The following DACH2 variants were observed in gnomAD, a reference collection of about 807,000 sequenced individuals.
DACH2 encodes dachshund homolog 2.
A neutral mutation model predicts 35.8 loss-of-function variants in DACH2; 17 were observed. That is an observed-to-expected ratio of 0.48 (90% CI 0.33 to 0.71). The LOEUF (loss-of-function observed/expected upper bound fraction) is 0.71, where lower values mean the gene tolerates loss of function less well. DACH2 is among the 30% of genes least tolerant of loss of function. DACH2 has a pLI of 0.02. For synonymous variants in DACH2, 195 were observed against 177.3 expected (o/e 1.10, Z -0.79); for missense variants, 469 against 472.7 (o/e 0.99, Z 0.07).
At chrX:86,445,535 A>AG (rs1363409223) in intron 2 of DACH2, among the ~76,000 whole-genome samples, 1 of 86,453 alleles carries the variant, frequency 1.2e-5, no homozygotes, top group African/African-American at 4.4e-5. Context: ...AAAAAAAAGA[A>AG]AAAAAAAAAA....
At chrX:86,405,053 C>A (rs186002652) in intron 2 of DACH2, among the ~76,000 whole-genome samples, 2 of 111,564 alleles carry the variant, frequency 1.8e-5, no homozygotes, top group South Asian at 3.8e-4. Flanking sequence ...ATTCCCAAGG[C>A]TGCACATGGC....
chrX:86,594,359 A>G (rs1032497356), intron 3 of DACH2, among the ~76,000 whole-genome samples: 2 of 111,065 alleles, frequency 1.8e-5, no homozygotes, highest in Non-Finnish European at 3.8e-5. Flanking sequence ...AATTTTTACT[A>G]TTACTTTTTT....
intron 1 of DACH2, among the ~76,000 whole-genome samples, chrX:86,193,571 G>A (rs989722461): frequency 4.5e-5 from 5 of 111,829 alleles, no homozygotes; most frequent in African/African-American, 1.6e-4. Flanking sequence ...ATAACTGAAA[G>A]CTAGTGTTTA....
chrX:86,296,108 G>A (rs1438679050), intron 1 of DACH2, among the ~76,000 whole-genome samples: 2 of 109,124 alleles, frequency 1.8e-5, no homozygotes, highest in Non-Finnish European at 3.8e-5. Context: ...GGCCGGGCGA[G>A]GTGGCTCACG....
intron 6 of DACH2, among the ~76,000 whole-genome samples, chrX:86,725,313 G>A (rs1050538975): frequency 3.0e-4 from 33 of 111,472 alleles, no homozygotes; most frequent in Admixed American, 2.9e-4. Context: ...TTTTATACAG[G>A]AGGATTTTTG....
At chrX:86,480,144 G>T (rs762458004) in intron 2 of DACH2, among the ~76,000 whole-genome samples, 1 of 112,195 alleles carries the variant, frequency 8.9e-6, no homozygotes, top group East Asian at 2.8e-4. Context: ...GTATTCAAAA[G>T]AACCTGGGCA....
intron 1 of DACH2, among the ~76,000 whole-genome samples, chrX:86,205,662 C>T (rs1381907318): frequency 9.5e-6 from 1 of 105,631 alleles, no homozygotes; most frequent in Non-Finnish European, 1.9e-5. Flanking sequence ...CTGGGCTCAA[C>T]CCATCCTCCC....
chrX:86,382,010 C>T (rs991359408), intron 2 of DACH2, among the ~76,000 whole-genome samples: 1 of 111,069 alleles, frequency 9.0e-6, no homozygotes, highest in African/African-American at 3.3e-5. Context: ...ATTTCTGATT[C>T]AGAAGAAAAT....
At chrX:86,696,739 T>G (rs1378428139) in intron 5 of DACH2, among the ~76,000 whole-genome samples, 1 of 111,090 alleles carries the variant, frequency 9.0e-6, no homozygotes, top group Admixed American at 9.6e-5. Flanking sequence ...TAGATCTAGC[T>G]CGAGAGACAA....
chrX:86,823,481 C>T (rs1434594240), intron 11 of DACH2, among the ~76,000 whole-genome samples: 1 of 102,277 alleles, frequency 9.8e-6, no homozygotes, highest in Non-Finnish European at 2.1e-5. Flanking sequence ...GGTAATGATC[C>T]ACATACTTCA....
chrX:86,440,196 G>A (rs1239636882), intron 2 of DACH2, among the ~76,000 whole-genome samples: 1 of 111,346 alleles, frequency 9.0e-6, no homozygotes, highest in Non-Finnish European at 1.9e-5. Context: ...TGCTAGATCT[G>A]TCCATATCTG....
chrX:86,285,840 G>A (rs186563340), intron 1 of DACH2, among the ~76,000 whole-genome samples: 679 of 110,664 alleles, frequency 6.1e-3, no homozygotes, highest in Non-Finnish European at 6.2e-3. Context: ...TATACATTTC[G>A]GTGCTCCAGT....
At position 86,148,599 on chromosome X, in the gene DACH2, C is replaced by A; in HGVS notation, c.-22C>A. On this transcript the variant is annotated 5_prime_UTR_variant, in exon 1 of 12. Transcript: ENST00000373125. ...GGCGAGAAAGCGAGGGCCGGAGGAC[C>A]CACGATAGAGACAGAGTGACCATGG... The A allele has an allele frequency of 1.8e-6, 2 of 1,140,689 alleles. No individual in the cohort carries two copies. The allele number at this position is 1,140,689 out of a possible 1,213,427, so 94.0% of individuals were successfully genotyped here. A position where few individuals can be genotyped will look rare whatever the true frequency, so the allele number is the denominator to read the frequency against.
chrX:86,632,923 A>T (rs917957376), intron 3 of DACH2, among the ~76,000 whole-genome samples: 5 of 110,822 alleles, frequency 4.5e-5, no homozygotes, highest in African/African-American at 1.6e-4. Flanking sequence ...TAAAACCTAT[A>T]GGATACAGCA....
intron 3 of DACH2, among the ~76,000 whole-genome samples, chrX:86,619,843 TTA>T (rs2040049297): frequency 8.9e-6 from 1 of 112,234 alleles, no homozygotes; most frequent in African/African-American, 3.2e-5. Flanking sequence ...ATGAAAATGC[TTA>T]GAGTTGTGCT....
At chrX:86,399,138 C>G (rs1048933115) in intron 2 of DACH2, among the ~76,000 whole-genome samples, 6 of 111,654 alleles carry the variant, frequency 5.4e-5, no homozygotes, top group Admixed American at 9.5e-5. Context: ...TTATGTAATG[C>G]CCTTCTTTGT....
At chrX:86,289,752 C>A (rs1376885523) in intron 1 of DACH2, among the ~76,000 whole-genome samples, 1 of 109,379 alleles carries the variant, frequency 9.1e-6, no homozygotes, top group Admixed American at 9.8e-5. Context: ...GACATGAACT[C>A]ATCATTTTTT....
intron 1 of DACH2, among the ~76,000 whole-genome samples, chrX:86,163,526 C>T (rs934581634): frequency 2.7e-5 from 3 of 110,904 alleles, no homozygotes; most frequent in East Asian, 5.7e-4. Context: ...CAGATTATTT[C>T]GTCACCCAGG....
intron 6 of DACH2, among the ~76,000 whole-genome samples, chrX:86,719,091 T>C (rs2041370956): frequency 8.9e-6 from 1 of 112,328 alleles, no homozygotes; most frequent in African/African-American, 3.2e-5. Flanking sequence ...TGTTAGTTTT[T>C]TCTAATCCAA....
Sources: gnomAD v4.1 joint callset for allele counts (sites outside exome capture counted in the v4.1 genomes callset) on GRCh38, gnomAD v4.1.1 for gene constraint, MANE v1.5 for transcripts, NCBI Gene and HGNC (gene_info 2026-07-23, HGNC 2026-07-21) for gene names.